The following KDM1B variants were observed in gnomAD, a reference collection of about 807,000 sequenced individuals.
KDM1B encodes the protein lysine demethylase 1B.
Under a neutral mutation model 107.4 loss-of-function variants are expected in KDM1B, and 63 were observed. That is an observed-to-expected ratio of 0.59 (90% CI 0.48 to 0.72). The LOEUF is 0.72. KDM1B is among the 30% of genes least tolerant of loss of function. The pLI is 0.00. For missense variants in KDM1B, 749 were observed against 1,020.8 expected (o/e 0.73, Z 3.63); for synonymous variants, 363 against 363.9 (o/e 1.00, Z 0.03).
intron 10 of KDM1B, among the ~76,000 whole-genome samples, chr6:18,196,400 G>A (rs1161522856): frequency 2.6e-5 from 4 of 152,132 alleles, no homozygotes; most frequent in South Asian, 2.1e-4. Flanking sequence ...AGACACCTCC[G>A]TACTGTCTTC....
chr6:18,163,956 C>CATAT (rs56797116), intron 5 of KDM1B, among the ~76,000 whole-genome samples: 1 of 151,480 alleles, frequency 6.6e-6, no homozygotes, highest in Non-Finnish European at 1.5e-5. Flanking sequence ...CAGTTCAGGT[C>CATAT]ATATATATAT....
At chr6:18,218,778 A>T (rs1381995924) in intron 21 of KDM1B, among the ~76,000 whole-genome samples, 1 of 152,048 alleles carries the variant, frequency 6.6e-6, no homozygotes, top group Non-Finnish European at 1.5e-5. Context: ...AGTCCTTGAA[A>T]TGTCCCCTTC....
At chr6:18,174,619 T>C (rs939350957) in intron 7 of KDM1B, among the ~76,000 whole-genome samples, 10 of 150,574 alleles carry the variant, frequency 6.6e-5, no homozygotes, top group African/African-American at 2.2e-4. Flanking sequence ...CCCCTTCTAC[T>C]TTTCCCCCCA....
At chr6:18,196,668 A>G (rs1396786975) in intron 10 of KDM1B, among the ~76,000 whole-genome samples, 4 of 152,196 alleles carry the variant, frequency 2.6e-5, no homozygotes, top group African/African-American at 4.8e-5. Flanking sequence ...CATCTCTACT[A>G]AACACTATAC....
rs1333290092 is a variant in KDM1B at position 18,159,495 on chromosome 6, G to T, written c.-13-388G>T. ...TTTATTGAGTACTTACGATATGCCA[G>T]TTTTGGTGCTTTAAATAGGTTATCT... On this transcript the variant is annotated intron_variant, in intron 2 of 21. Coordinates refer to ENST00000650836, the MANE Select transcript of KDM1B (RefSeq NM_001364614.2). This position sits in a 1 kb window ranked among gnomAD's most constrained non-coding sequence, Gnocchi z 4.5. 6.6e-6 allele frequency among the ~76,000 whole-genome samples: 1 copy of T among 152,242 alleles called. No individual in the cohort carries two copies. Among genetic ancestry groups the T allele is most frequent in the African/African-American group, 2.4e-5 (1 of 41,464 alleles).
rs1216211666 is a variant in KDM1B, at chr6:18,205,707, G to A, written c.1659+43G>A. The A allele has an allele frequency of 6.9e-7, 1 of 1,454,576 alleles. No homozygotes were observed. The highest frequency in any genetic ancestry group is 1.5e-5 in the African/African-American group (1 of 68,228). 90.1% of individuals were successfully genotyped at this position (1,454,576 alleles called of 1,614,324 possible). A position where few individuals can be genotyped will look rare whatever the true frequency, so the allele number is the denominator to read the frequency against. ...GAAAGGTGTGCTTTGAAAATACTTG[G>A]TTTAGGCCGGGCGCAGTGGCTCACG... On this transcript the variant is annotated intron_variant, in intron 15 of 21. Coordinates refer to ENST00000650836, the MANE Select transcript of KDM1B (RefSeq NM_001364614.2). This position sits in a 1 kb window ranked among gnomAD's most constrained non-coding sequence, Gnocchi z 5.7.
rs1232285619 is a variant in KDM1B at position 18,209,638 on chromosome 6, G to A, written c.1866+1432G>A. ...TGTTTTTTTCAGAGACAGGGTCTCA[G>A]TCTGTCGCCCAGGCTGGAGTGCAGT... is the stretch of plus-strand genomic sequence containing the variant. On this transcript the variant is annotated intron_variant, in intron 17 of 21. Coordinates refer to ENST00000650836, the MANE Select transcript of KDM1B (RefSeq NM_001364614.2). This position sits in a 1 kb window ranked among gnomAD's most constrained non-coding sequence, Gnocchi z 4.3. Among the ~76,000 whole-genome samples, 1 of 152,146 alleles carries A rather than the reference G, an allele frequency of 6.6e-6. No homozygotes were observed. Among genetic ancestry groups the A allele is most frequent in the African/African-American group, 2.4e-5 (1 of 41,424 alleles).
At chr6:18,206,557 G>A (rs1020944487) in intron 15 of KDM1B, among the ~76,000 whole-genome samples, 66 of 152,090 alleles carry the variant, frequency 4.3e-4, no homozygotes, top group African/African-American at 1.6e-3. Flanking sequence ...AGGAAGGAGG[G>A]CTATTGGGCT....
At chr6:18,221,776 G>C in intron 21 of KDM1B, 133 bp from the exon 22 acceptor site, 2 of 703,222 alleles carry the variant, frequency 2.8e-6, no homozygotes. Context: ...GTTACGATGG[G>C]TGAGTGTGAA....
In KDM1B at chr6:18,181,485, T is replaced by C. The variant is rs376860967; in HGVS notation, c.535-4287T>C. Among the ~76,000 whole-genome samples, 12 of 152,294 alleles carry C rather than the reference T, an allele frequency of 7.9e-5. No homozygotes were observed. The East Asian group carries it at 2.1e-3, about 27-fold the overall frequency. On this transcript the variant is annotated intron_variant, in intron 7 of 21. Transcript: ENST00000650836. ...TATGAGAATAAGAAGTGGGAATCAG[T>C]TGGGCGCAGTGGCTCATGCCTGTAA... is the stretch of plus-strand genomic sequence containing the variant.
chr6:18,163,135 A>G (rs1582079315), intron 5 of KDM1B, among the ~76,000 whole-genome samples: 2 of 144,274 alleles, frequency 1.4e-5, no homozygotes, highest in South Asian at 4.3e-4. Flanking sequence ...ATCAAAAAAT[A>G]TCTGCCATTT....
rs1261728612 is a variant in KDM1B at position 18,186,114 on chromosome 6, A to G, written c.573+304A>G. On this transcript the variant is annotated intron_variant, in intron 8 of 21. Transcript: ENST00000650836. This position sits in a 1 kb window ranked among gnomAD's most constrained non-coding sequence, Gnocchi z 5.6. ...GGCTTGCTGTACTTGTTTTTCAAGG[A>G]TGACTTTGTGACCTTTTCTCCACTT... Among the ~76,000 whole-genome samples, 1 of 152,196 alleles carries G rather than the reference A, an allele frequency of 6.6e-6. No homozygotes were observed. Among genetic ancestry groups the G allele is most frequent in the Non-Finnish European group, 1.5e-5 (1 of 68,030 alleles).
chr6:18,167,006 T>C (rs1209779448), intron 6 of KDM1B, among the ~76,000 whole-genome samples: 2 of 152,152 alleles, frequency 1.3e-5, no homozygotes, highest in African/African-American at 2.4e-5. Context: ...TATATACATA[T>C]ACTGATTAGG....
chr6:18,218,851 C>T (rs1277442593), intron 21 of KDM1B, among the ~76,000 whole-genome samples: 1 of 151,864 alleles, frequency 6.6e-6, no homozygotes, highest in East Asian at 1.9e-4. Context: ...TGCAGAGTGT[C>T]CTCCTGGGTC....
intron 21 of KDM1B, among the ~76,000 whole-genome samples, chr6:18,220,975 T>A (rs951509040): frequency 2.6e-5 from 4 of 152,048 alleles, no homozygotes; most frequent in South Asian, 2.1e-4. Context: ...GGTCTTGAAC[T>A]CCTGACCTCA....
At position 18,197,098 on chromosome 6, in the gene KDM1B, C is replaced by T; in HGVS notation, c.1011C>T (p.Val337=). ...AGAAATGTATTCCTCACATCATCGT[C>T]CGGGGTCTCGTGCGTATTCGATGCG... The part of the protein sequence containing the change: ...TPQKCIPHII[V]RGLVRIRCVQ... Residue 337 remains valine (V), a synonymous_variant, in exon 11 of 22, where the codon GTC becomes GTT. Transcript: ENST00000650836. This position sits in a 1 kb window ranked among gnomAD's most constrained non-coding sequence, Gnocchi z 4.5. 6.2e-7 allele frequency: 1 copy of T among 1,613,988 alleles called. No homozygotes were observed. Among genetic ancestry groups the T allele is most frequent in the Non-Finnish European group, 8.5e-7 (1 of 1,179,894 alleles).
Position 18,201,761 on chromosome 6 carries a change from G to C in KDM1B, c.1531+104G>C, listed in dbSNP as rs771820570. 7 of 958,910 alleles carry C rather than the reference G, an allele frequency of 7.3e-6. No individual in the cohort carries two copies. The highest frequency in any genetic ancestry group is 1.1e-5 in the Non-Finnish European group (7 of 651,968). 59.4% of individuals were successfully genotyped at this position (958,910 alleles called of 1,614,324 possible). The stretch of plus-strand genomic sequence containing the variant: ...TTTGCGAGGTCGGATGTCGGCAACA[G>C]GGTAGCCCTCCTGAGCATTTCTTTT... On this transcript the variant is annotated intron_variant, in intron 14 of 21. Transcript: ENST00000650836. This position sits in a 1 kb window ranked among gnomAD's most constrained non-coding sequence, Gnocchi z 4.3.
Position 18,200,634 on chromosome 6 carries a change from C to T in KDM1B, c.1359+58C>T, listed in dbSNP as rs926633641. ...AGGAAAGAAAAACAGTTTCAATTTG[C>T]TTGTGTGCAGTATTAATATGCTTCT... is the stretch of plus-strand genomic sequence containing the variant. On this transcript the variant is annotated intron_variant, in intron 13 of 21. Coordinates refer to ENST00000650836, the MANE Select transcript of KDM1B (RefSeq NM_001364614.2). This position sits in a 1 kb window ranked among gnomAD's most constrained non-coding sequence, Gnocchi z 4.3. 1 of 1,547,124 alleles carries T rather than the reference C, an allele frequency of 6.5e-7. No individual in the cohort carries two copies. Among genetic ancestry groups the T allele is most frequent in the Non-Finnish European group, 8.8e-7 (1 of 1,138,706 alleles).
chr6:18,183,328 C>T (rs1018732750), intron 7 of KDM1B, among the ~76,000 whole-genome samples: 6 of 130,860 alleles, frequency 4.6e-5, no homozygotes, highest in South Asian at 4.9e-4. Flanking sequence ...AGTGCAATGG[C>T]GCAGTCTCGG....
Sources: allele counts gnomAD v4.1 joint callset (sites outside exome capture counted in the v4.1 genomes callset), GRCh38; gene constraint gnomAD v4.1.1; non-coding constraint Gnocchi (gnomAD v3.1); transcripts MANE v1.5; gene names NCBI Gene and HGNC (gene_info 2026-07-23, HGNC 2026-07-21).